Variants in FAT2 observed in about 807,000 individuals in gnomAD.
The protein encoded by FAT2 is FAT atypical cadherin 2.
FAT2 carries 150 observed loss-of-function variants against 295.3 expected under a neutral mutation model. The ratio of observed to expected loss-of-function variants is 0.51; its 90% CI spans 0.44 to 0.58. FAT2 has a LOEUF of 0.58. Ranked by LOEUF, FAT2 falls within the 20% of genes least tolerant of loss-of-function variation. FAT2 has a pLI of 0.00. For missense variants in FAT2, 4,868 were observed against 5,442.7 expected, an observed-to-expected ratio of 0.89 and a Z score of 3.32; for synonymous variants, 2,026 against 2,150.3, an observed-to-expected ratio of 0.94 and a Z score of 1.60.
At chr5:151,507,074 G>T in intron 23 of FAT2, 80 bp downstream of exon 23, 2 of 1,289,200 alleles carry the variant, frequency 1.6e-6, no homozygotes, top group Non-Finnish European at 2.1e-6. Context: ...AAAAATGCCT[G>T]TGCCTCAGAT....
At chr5:151,536,231 C>G (rs1056317900) in intron 12 of FAT2, among the ~76,000 whole-genome samples, 1 of 150,492 alleles carries the variant, frequency 6.6e-6, no homozygotes, top group Non-Finnish European at 1.5e-5. Context: ...GAAAAAAAAA[C>G]GCCATTTTTT....
chr5:151,555,028 A>G (rs1462152627), intron 4 of FAT2, among the ~76,000 whole-genome samples: 2 of 152,230 alleles, frequency 1.3e-5, no homozygotes, highest in Admixed American at 6.5e-5. Flanking sequence ...TTGCTCGATT[A>G]GAGAAAATAA....
intron 1 of FAT2, among the ~76,000 whole-genome samples, chr5:151,579,076 G>C (rs1758848548): frequency 1.3e-5 from 2 of 152,162 alleles, no homozygotes; most frequent in African/African-American, 2.4e-5. Context: ...CAGGAACACA[G>C]GGCTTGGGGT....
intron 1 of FAT2, among the ~76,000 whole-genome samples, chr5:151,590,931 T>C (rs1460648919): frequency 6.6e-6 from 1 of 152,204 alleles, no homozygotes; most frequent in Non-Finnish European, 1.5e-5. Context: ...TGCCCATTGC[T>C]GGGCCCCGAT....
At chr5:151,529,426 C>T (rs1023023632) in intron 14 of FAT2, 34 bp from the exon 15 acceptor site, 3 of 1,595,298 alleles carry the variant, frequency 1.9e-6, no homozygotes, top group Non-Finnish European at 2.6e-6. Flanking sequence ...AGCAATGAGG[C>T]AGTTGGGCCC....
At position 151,565,669 on chromosome 5, in the gene FAT2, G is replaced by A. The variant is rs1262474427; in HGVS notation, c.3259+4C>T. On this transcript the variant is annotated splice_donor_region_variant and intron_variant, in intron 2 of 23. Transcript: ENST00000261800. ...GGCACCCCACCCTACCCCACCCCCA[G>A]TACCTGTATCTTGGTTGATGCTGAA... 7.8e-6 allele frequency: 4 copies of A among 513,770 alleles called. No homozygotes were observed. The highest frequency in any genetic ancestry group is 1.5e-5 in the Non-Finnish European group (4 of 264,294). 31.8% of individuals were successfully genotyped at this position (513,770 alleles called of 1,614,324 possible). A position where few individuals can be genotyped will look rare whatever the true frequency, so the allele number is the denominator to read the frequency against.
rs1258887224 is a variant in FAT2 at position 151,521,851 on chromosome 5, C to T, written c.10742G>A (p.Gly3581Asp). ...GGCGATAATCTTGCCATCAGGCGCA[C>T]CCACTGAGAAGTGCCTGCCCAGGGT... The part of the protein sequence containing the change: ...EETLGRHFSV[G>D]APDGKIIAAQ... The change falls in exon 19 of 24, where the codon GGT becomes GAT. Residue 3581 changes from glycine (G) to aspartate (D), a missense_variant. Coordinates refer to ENST00000261800, the MANE Select transcript of FAT2 (RefSeq NM_001447.3). 17 of 1,614,208 alleles carry T rather than the reference C, an allele frequency of 1.1e-5. No individual in the cohort carries two copies. Among genetic ancestry groups the T allele is most frequent in the Non-Finnish European group, 1.4e-5 (16 of 1,180,018 alleles).
In FAT2 at chr5:151,506,065, T is replaced by G; in HGVS notation, c.12550A>C (p.Thr4184Pro). The change falls in exon 24 of 24, where the codon ACT becomes CCT. Residue 4184 changes from threonine (T) to proline (P), a missense_variant. This residue lies in a region of FAT2 where 492 missense variants were observed against 482.6 expected (regional missense o/e 1.02). Coordinates refer to ENST00000261800, the MANE Select transcript of FAT2 (RefSeq NM_001447.3). The stretch of plus-strand genomic sequence containing the variant: ...TCCCAGCGTTCGTTCCTGGAGTAAG[T>G]AGGGGGCCAGACCATGGCTCCGCCA... ...YPGGAMVWPPTYSRNERWEYP... is the reference protein window; with the variant it reads ...YPGGAMVWPPPYSRNERWEYP... 1 of 1,543,226 alleles carries G rather than the reference T, an allele frequency of 6.5e-7. No individual in the cohort carries two copies. The highest frequency in any genetic ancestry group is 8.7e-7 in the Non-Finnish European group (1 of 1,152,498).
intron 14 of FAT2, among the ~76,000 whole-genome samples, chr5:151,530,961 G>C (rs1036305118): frequency 5.3e-5 from 8 of 152,172 alleles, no homozygotes; most frequent in Non-Finnish European, 1.5e-5. Flanking sequence ...TGGGGAGGTA[G>C]AGAGCACCAT....
Position 151,554,490 on chromosome 5 carries a change from C to T in FAT2, c.3817G>A (p.Glu1273Lys), listed in dbSNP as rs1288288333. 3.7e-6 allele frequency: 6 copies of T among 1,614,234 alleles called. No individual in the cohort carries two copies. Among genetic ancestry groups the T allele is most frequent in the Non-Finnish European group, 5.1e-6 (6 of 1,180,026 alleles). The change falls in exon 5 of 24, where the codon GAG becomes AAG. Residue 1273 changes from glutamate (E) to lysine (K), a missense_variant. Physicochemically the swap from Glu to Lys is moderately conservative, Grantham distance 56. This residue lies in a region of FAT2 where 3,297 missense variants were observed against 3,669.4 expected (regional missense o/e 0.90). Coordinates refer to ENST00000261800, the MANE Select transcript of FAT2 (RefSeq NM_001447.3). ...TAGGTGACTCTGCCATTAAGACCCT[C>T]ATCCAGGTCTGAAGCCACCAGCCTG... ...VYRLVASDLD[E>K]GLNGRVTYSI...
intron 1 of FAT2, among the ~76,000 whole-genome samples, chr5:151,588,747 A>G (rs1409918506): frequency 6.6e-6 from 1 of 152,198 alleles, no homozygotes; most frequent in Non-Finnish European, 1.5e-5. Context: ...TTAGGGAGGA[A>G]CACTTCAAGG....
At position 151,521,615 on chromosome 5, in the gene FAT2, C is replaced by A. The variant is rs1561823101; in HGVS notation, c.10978G>T (p.Asp3660Tyr). The A allele has an allele frequency of 7.4e-6, 12 of 1,614,094 alleles. No homozygotes were observed. The highest frequency in any genetic ancestry group is 1.0e-5 in the Non-Finnish European group (12 of 1,180,052). The change falls in exon 19 of 24, where the codon GAC becomes TAC. Residue 3660 changes from aspartate to tyrosine, a missense_variant. By Grantham distance (160) the Asp-to-Tyr change is radical. Coordinates refer to ENST00000261800, the MANE Select transcript of FAT2 (RefSeq NM_001447.3). ...NLQRFLSHKL[D>Y]IKRANIHLAS... ...AAGTGAATGTTAGCCCGTTTGATGT[C>A]CAGCTTATGGCTGAGGAACCTCTGC...
Position 151,537,863 on chromosome 5 carries a change from A to G in FAT2, c.9123T>C (p.Asp3041=). The G allele has an allele frequency of 6.2e-7, 1 of 1,614,234 alleles. No individual in the cohort carries two copies. Among genetic ancestry groups the G allele is most frequent in the Non-Finnish European group, 8.5e-7 (1 of 1,180,022 alleles). ...GAGAATATGTGATCTGAGCATTGGT[A>G]TCAGTGTCCAAGTCTGTGGCAGAAA... ...LKVSATDLDT[D]TNAQITYSLH... is the part of the protein sequence containing the mutation. Residue 3041 remains aspartate (D), a synonymous_variant, in exon 12 of 24, where the codon GAT becomes GAC. Transcript: ENST00000261800.
intron 1 of FAT2, among the ~76,000 whole-genome samples, chr5:151,570,642 G>C (rs1758485325): frequency 6.6e-6 from 1 of 152,222 alleles, no homozygotes; most frequent in South Asian, 2.1e-4. Flanking sequence ...TGTAGGTCTG[G>C]TGCACCAGGC....
At chr5:151,570,607 C>A (rs934781615) in intron 1 of FAT2, among the ~76,000 whole-genome samples, 1 of 152,176 alleles carries the variant, frequency 6.6e-6, no homozygotes, top group Non-Finnish European at 1.5e-5. Flanking sequence ...GCAGGAGGAG[C>A]GGGGCAGGGT....
intron 18 of FAT2, among the ~76,000 whole-genome samples, chr5:151,522,444 G>A (rs981455582): frequency 2.6e-5 from 4 of 152,144 alleles, no homozygotes; most frequent in Non-Finnish European, 5.9e-5. Flanking sequence ...CCTCAAGGGC[G>A]CCCTCAGATG....
rs1477860288 is a variant in FAT2, at chr5:151,568,829, G to A, written c.103C>T (p.His35Tyr). The change falls in exon 2 of 24, where the codon CAC becomes TAC. Residue 35 changes from histidine to tyrosine, a missense_variant. Coordinates refer to ENST00000261800, the MANE Select transcript of FAT2 (RefSeq NM_001447.3). ...TAGATGGTGGCATTGTAATGGGAGT[G>A]TGTGAAGTGCCAAGCAGAGGAGGAG... ...ILSSSAWHFT[H>Y]SHYNATIYEN... 3.1e-6 allele frequency: 5 copies of A among 1,614,144 alleles called. No homozygotes were observed. The highest frequency in any genetic ancestry group is 4.2e-6 in the Non-Finnish European group (5 of 1,180,036).
At chr5:151,540,467 C>A in intron 11 of FAT2, 100 bp downstream of exon 11, 1 of 989,820 alleles carries the variant, frequency 1.0e-6, no homozygotes, top group Non-Finnish European at 1.5e-6. Context: ...TCTCCTGCCC[C>A]TCAATCTCCC....
chr5:151,526,767 C>G (rs1419796650), intron 17 of FAT2, among the ~76,000 whole-genome samples: 1 of 152,160 alleles, frequency 6.6e-6, no homozygotes, highest in Non-Finnish European at 1.5e-5. Context: ...GGACCCAGAA[C>G]TCTGCCTTTT....
Sources: allele counts gnomAD v4.1 joint callset (sites outside exome capture counted in the v4.1 genomes callset), GRCh38; gene constraint gnomAD v4.1.1; regional missense constraint gnomAD v4.1.1; transcripts MANE v1.5; gene names NCBI Gene and HGNC (gene_info 2026-07-23, HGNC 2026-07-21).